Variants in CBFA2T3 observed in about 807,000 individuals in gnomAD.
The protein encoded by CBFA2T3 is CBFA2/RUNX1 partner transcriptional co-repressor 3.
CBFA2T3 carries 31 observed loss-of-function variants against 58.6 expected under a neutral mutation model. The observed-to-expected ratio is 0.53, with a 90% CI of 0.40 to 0.71. CBFA2T3 has a LOEUF of 0.71. Among genes scored for constraint, CBFA2T3 ranks in the 30% least tolerant of loss-of-function variants. The pLI, the probability that CBFA2T3 is intolerant of heterozygous loss-of-function variation, is 0.00. For missense variants in CBFA2T3, 1,076 were observed against 963.1 expected (o/e 1.12, Z -1.55); for synonymous variants, 531 against 421.9 (o/e 1.26, Z -3.17).
intron 1 of CBFA2T3, among the ~76,000 whole-genome samples, chr16:88,954,177 G>A (rs1262994594): frequency 6.6e-6 from 1 of 152,048 alleles, no homozygotes; most frequent in Non-Finnish European, 1.5e-5. Context: ...CAGCCACCAC[G>A]ATGGTACCCC....
chr16:88,894,372 G>A (rs1407601015), intron 3 of CBFA2T3, among the ~76,000 whole-genome samples: 2 of 87,258 alleles, frequency 2.3e-5, no homozygotes, highest in Non-Finnish European at 4.3e-5. Context: ...ATATACACAT[G>A]CACACAATGT....
At chr16:88,915,854 C>T (rs925522630) in intron 1 of CBFA2T3, among the ~76,000 whole-genome samples, 10 of 152,068 alleles carry the variant, frequency 6.6e-5, no homozygotes, top group African/African-American at 1.2e-4. Context: ...GTCAGAATCT[C>T]GCCCTCTCTG....
At chr16:88,881,949 C>T (rs1213135046) in intron 8 of CBFA2T3, among the ~76,000 whole-genome samples, 2 of 152,234 alleles carry the variant, frequency 1.3e-5, no homozygotes. Context: ...TCCCCGAACA[C>T]GTCCTGCCTC....
chr16:88,929,147 G>A (rs563768720), intron 1 of CBFA2T3, among the ~76,000 whole-genome samples: 4 of 152,358 alleles, frequency 2.6e-5, no homozygotes, highest in African/African-American at 4.8e-5. Flanking sequence ...CACAAGTCAC[G>A]CGGTCAGAGA....
intron 1 of CBFA2T3, chr16:88,950,564 G>A: frequency 2.3e-6 from 1 of 430,172 alleles, no homozygotes; most frequent in South Asian, 1.6e-5. Context: ...CCGCCACAGA[G>A]GGTCAGGAGT....
intron 1 of CBFA2T3, chr16:88,937,220 G>C (rs930634761): frequency 2.6e-5 from 4 of 152,248 alleles, no homozygotes; most frequent in Admixed American, 6.5e-5. Flanking sequence ...CCCCAGGAAA[G>C]GATCTGGGGT....
intron 1 of CBFA2T3, among the ~76,000 whole-genome samples, chr16:88,910,134 C>T (rs560806987): frequency 6.6e-6 from 1 of 152,388 alleles, no homozygotes; most frequent in East Asian, 1.9e-4. Flanking sequence ...TGTGCTGTGC[C>T]TCGGTCACTC....
chr16:88,959,824 G>A (rs141747141), intron 1 of CBFA2T3, among the ~76,000 whole-genome samples: 7 of 152,186 alleles, frequency 4.6e-5, no homozygotes, highest in Non-Finnish European at 8.8e-5. Flanking sequence ...TCAGGAGTTC[G>A]AGACCAGCCT....
chr16:88,958,313 G>T lies in CBFA2T3; in HGVS notation c.151+18344C>A, dbSNP rs765456990. Among the ~76,000 whole-genome samples, 3 of 151,786 alleles carry T rather than the reference G, an allele frequency of 2.0e-5. No homozygotes were observed. Among genetic ancestry groups the T allele is most frequent in the Non-Finnish European group, 4.4e-5 (3 of 67,766 alleles). On this transcript the variant is annotated intron_variant, in intron 1 of 11. Coordinates refer to ENST00000268679, the MANE Select transcript of CBFA2T3 (RefSeq NM_005187.6). This position sits in a 1 kb window ranked among gnomAD's most constrained non-coding sequence, Gnocchi z 4.0. ...AAAAAGCTATTTTGAGCCTAAAATA[G>T]CTTCAAGAGCCCAAAGCTCCCAGGG...
chr16:88,900,507 G>A (rs1970055004), intron 2 of CBFA2T3, among the ~76,000 whole-genome samples: 1 of 152,238 alleles, frequency 6.6e-6, no homozygotes, highest in Non-Finnish European at 1.5e-5. Context: ...TAAAGGGACT[G>A]AGGAAGCAGC....
chr16:88,972,158 G>C (rs943578585), intron 1 of CBFA2T3, among the ~76,000 whole-genome samples: 1 of 152,034 alleles, frequency 6.6e-6, no homozygotes, highest in East Asian at 1.9e-4. Context: ...TATGGGGAAG[G>C]AGCGGAGCAT....
intron 10 of CBFA2T3, among the ~76,000 whole-genome samples, chr16:88,880,479 C>G (rs1216283768): frequency 1.3e-5 from 2 of 152,238 alleles, no homozygotes; most frequent in African/African-American, 4.8e-5. Context: ...GGTCCAGGAC[C>G]CACTTTATTC....
At chr16:88,890,197 G>A (rs1360634664) in intron 5 of CBFA2T3, among the ~76,000 whole-genome samples, 3 of 152,166 alleles carry the variant, frequency 2.0e-5, no homozygotes, top group Non-Finnish European at 4.4e-5. Context: ...AGATTCCCCT[G>A]AGCCCGGGAG....
chr16:88,931,332 G>A (rs1971292548), intron 1 of CBFA2T3, among the ~76,000 whole-genome samples: 1 of 152,152 alleles, frequency 6.6e-6, no homozygotes, highest in Non-Finnish European at 1.5e-5. Flanking sequence ...AAGGCTGCTG[G>A]CTGGAGTGAG....
intron 1 of CBFA2T3, among the ~76,000 whole-genome samples, chr16:88,974,510 A>G (rs760746374): frequency 2.6e-5 from 4 of 152,226 alleles, no homozygotes; most frequent in East Asian, 1.9e-4. Context: ...CCCCCTGCAC[A>G]GCACACAGAC....
At chr16:88,959,232 A>T (rs1972303922) in intron 1 of CBFA2T3, among the ~76,000 whole-genome samples, 1 of 152,210 alleles carries the variant, frequency 6.6e-6, no homozygotes, top group Non-Finnish European at 1.5e-5. Flanking sequence ...GGTCTCATAC[A>T]CGCTACATGG....
rs1049152988 is a variant in CBFA2T3, at chr16:88,958,091, G to A, written c.151+18566C>T. Among the ~76,000 whole-genome samples, 6 of 152,196 alleles carry A rather than the reference G, an allele frequency of 3.9e-5. No homozygotes were observed. Among genetic ancestry groups the A allele is most frequent in the African/African-American group, 1.4e-4 (6 of 41,456 alleles). Reference sequence around the variant, plus strand: ...ATCCCTCGCTCACAGAGAGGCCACGGAACTTTGTCAGCGCACCAGGGCAGT... The same window carrying A: ...ATCCCTCGCTCACAGAGAGGCCACGAAACTTTGTCAGCGCACCAGGGCAGT... On this transcript the variant is annotated intron_variant, in intron 1 of 11. Transcript: ENST00000268679. The surrounding 1 kb of genome is among the most constrained non-coding windows in gnomAD (Gnocchi z 4.0).
intron 5 of CBFA2T3, among the ~76,000 whole-genome samples, chr16:88,887,888 G>A (rs146717919): frequency 0.014 from 2,204 of 152,292 alleles, 22 homozygotes; most frequent in East Asian, 0.023. Flanking sequence ...TGACGGCGGC[G>A]GTGGCTGAGG....
chr16:88,910,709 C>T (rs891561185), intron 1 of CBFA2T3, among the ~76,000 whole-genome samples: 2 of 152,242 alleles, frequency 1.3e-5, no homozygotes, highest in African/African-American at 4.8e-5. Context: ...GAACCTGGTG[C>T]TGACTCCGGG....
Sources: gnomAD v4.1 joint callset for allele counts (sites outside exome capture counted in the v4.1 genomes callset) on GRCh38, gnomAD v4.1.1 for gene constraint, Gnocchi (gnomAD v3.1) non-coding constraint, MANE v1.5 for transcripts, NCBI Gene and HGNC (gene_info 2026-07-23, HGNC 2026-07-21) for gene names.